Variants in PMPCB observed in about 807,000 individuals in gnomAD.
PMPCB encodes the protein peptidase, mitochondrial processing subunit beta, also known as mitochondrial-processing peptidase subunit beta.
A neutral mutation model predicts 61.5 loss-of-function variants in PMPCB; 46 were observed. That is an observed-to-expected ratio of 0.75 (90% CI 0.59 to 0.96). PMPCB has a LOEUF of 0.96. Ranked by LOEUF, PMPCB falls within the 40% of genes least tolerant of loss-of-function variation. The probability of loss-of-function intolerance (pLI) is 0.00; values close to 1 mark genes in which losing one functional copy is unlikely to be tolerated. For synonymous variants in PMPCB, 191 were observed against 201.6 expected, an observed-to-expected ratio of 0.95 and a Z score of 0.44; for missense variants, 590 against 602.4, an observed-to-expected ratio of 0.98 and a Z score of 0.22.
chr7:103,327,320 T>C, intron 12 of PMPCB: 1 of 1,260,600 alleles, frequency 7.9e-7, no homozygotes, highest in Non-Finnish European at 1.0e-6. Flanking sequence ...CATCATTAAA[T>C]AGAACACTTA....
chr7:103,302,642 G>A (rs572668168), intron 4 of PMPCB, among the ~76,000 whole-genome samples: 1 of 152,240 alleles, frequency 6.6e-6, no homozygotes, highest in East Asian at 1.9e-4. Flanking sequence ...ATAATAGTTT[G>A]TTCTGTCATG....
intron 12 of PMPCB, among the ~76,000 whole-genome samples, chr7:103,320,298 C>T (rs550834164): frequency 6.1e-4 from 92 of 151,904 alleles, no homozygotes; most frequent in African/African-American, 2.1e-3. Context: ...CCATTTTGGC[C>T]AGGCTGGTCT....
chr7:103,310,219 C>T, intron 8 of PMPCB, 96 bp from the exon 9 acceptor site: 1 of 869,490 alleles, frequency 1.2e-6, no homozygotes. Flanking sequence ...GAAACAGCCT[C>T]TAAGGATATT....
At chr7:103,315,267 C>T (rs1193872376), downstream of PMPCB, among the ~76,000 whole-genome samples, 1 of 151,666 alleles carries the variant, frequency 6.6e-6, no homozygotes, top group Non-Finnish European at 1.5e-5. Context: ...TAGAAAGAAT[C>T]CCTGTATACT....
At chr7:103,319,280 T>TA (rs201116605), downstream of PMPCB, among the ~76,000 whole-genome samples, 1,789 of 152,146 alleles carry the variant, frequency 0.012, 35 homozygotes, top group African/African-American at 0.041. Context: ...CTACCAAAAA[T>TA]ACAAAAATTA....
downstream of PMPCB, among the ~76,000 whole-genome samples, chr7:103,332,723 G>C (rs1819024482): frequency 6.6e-6 from 1 of 151,760 alleles, no homozygotes; most frequent in South Asian, 2.1e-4. Flanking sequence ...TTGACCTCCT[G>C]GGCTCAAGCA....
At chr7:103,316,799 A>G, downstream of PMPCB, 1 of 1,579,256 alleles carries the variant, frequency 6.3e-7, no homozygotes. Context: ...CTCCAGTGTG[A>G]GTTGAAGAAA....
rs1282096186 is a variant in PMPCB at position 103,312,922 on chromosome 7, A to G, written c.*651A>G. On this transcript the variant is annotated 3_prime_UTR_variant, in exon 13 of 13. Transcript: ENST00000249269. The stretch of plus-strand genomic sequence containing the variant: ...CCAAGCTACAATTTAAAATACAACA[A>G]TCTATAAACGCTTAAGTCTGCAACC... The G allele has an allele frequency of 8.2e-6, 13 of 1,593,802 alleles. No individual in the cohort carries two copies. Among genetic ancestry groups the G allele is most frequent in the South Asian group, 2.3e-5 (2 of 87,202 alleles).
intron 12 of PMPCB, chr7:103,322,894 G>A: frequency 1.1e-6 from 1 of 949,590 alleles, no homozygotes; most frequent in South Asian, 1.6e-5. Context: ...TAACATCCTA[G>A]AGGTTAAAAT....
Position 103,313,746 on chromosome 7 carries a change from A to G in PMPCB, c.*1475A>G. On this transcript the variant is annotated 3_prime_UTR_variant, in exon 13 of 13. Transcript: ENST00000249269. ...GTGGTTCTTCAACTAAACCTTGTAT[A>G]TTTCAGAAAACATCTAAGATGTGTG... The G allele has an allele frequency of 1.0e-6, 1 of 985,132 alleles. No individual in the cohort carries two copies. Among genetic ancestry groups the G allele is most frequent in the East Asian group, 1.1e-4 (1 of 8,828 alleles). The allele number at this position is 985,132 out of a possible 1,614,324, so 61.0% of individuals were successfully genotyped here. A position where few individuals can be genotyped will look rare whatever the true frequency, so the allele number is the denominator to read the frequency against.
Position 103,322,990 on chromosome 7 carries a change from C to T in PMPCB, c.*1432-5941C>T, listed in dbSNP as rs146008393. Among the ~76,000 whole-genome samples the T allele has an allele frequency of 5.3e-3, 797 of 151,412 alleles. 20 individuals are homozygous for T. Among genetic ancestry groups the T allele is most frequent in the Admixed American group, 0.047 (715 of 15,212 alleles). On this transcript the variant is annotated intron_variant and NMD_transcript_variant, in intron 12 of 12. Coordinates refer to the PMPCB transcript ENST00000444457. ...TGTCGCCCAGGCTGGAGTGCAATGGCGTGATTTTGGCTCATTGCAACCTCT... is the reference window on the plus strand; with the variant it reads ...TGTCGCCCAGGCTGGAGTGCAATGGTGTGATTTTGGCTCATTGCAACCTCT...
intron 1 of PMPCB, 96 bp downstream of exon 1, chr7:103,297,654 G>T: frequency 6.4e-7 from 1 of 1,565,280 alleles, no homozygotes. Flanking sequence ...ACAGTGGGTC[G>T]GGCAGGGCCT....
chr7:103,325,979 G>A (rs1198249731), intron 12 of PMPCB, among the ~76,000 whole-genome samples: 7 of 152,078 alleles, frequency 4.6e-5, no homozygotes, highest in Non-Finnish European at 1.0e-4. Context: ...GTCAGATACT[G>A]TTATTTCTCT....
At chr7:103,322,495 T>A in intron 12 of PMPCB, 1 of 1,446,834 alleles carries the variant, frequency 6.9e-7, no homozygotes. Flanking sequence ...TCCACCTTCA[T>A]TAAATGTTGT....
chr7:103,325,654 T>C (rs895476652), intron 12 of PMPCB, among the ~76,000 whole-genome samples: 2 of 152,190 alleles, frequency 1.3e-5, no homozygotes. Context: ...GTTCTTCCTG[T>C]TCTCCAGGTA....
intron 12 of PMPCB, chr7:103,326,674 C>T: frequency 1.9e-6 from 3 of 1,605,894 alleles, no homozygotes; most frequent in African/African-American, 1.3e-5. Flanking sequence ...GATCAGATAA[C>T]ATTTCATAAG....
At chr7:103,344,761 G>A in the PMPCB span, 2 of 810,290 alleles carry the variant, frequency 2.5e-6, no homozygotes, top group African/African-American at 1.7e-5. Context: ...GCATGGAGAC[G>A]ACCAGTAAGC....
downstream of PMPCB, chr7:103,317,126 AC>A (rs1586067369): frequency 1.1e-6 from 1 of 946,116 alleles, no homozygotes; most frequent in Non-Finnish European, 1.6e-6. Flanking sequence ...TCTCACTCTG[AC>A]CCCATACTCC....
downstream of PMPCB, chr7:103,315,783 C>T (rs781448899): frequency 2.3e-5 from 37 of 1,613,384 alleles, no homozygotes; most frequent in African/African-American, 2.4e-4. Flanking sequence ...GTTCTGAAGG[C>T]GTTGCGTTGT....
Sources: gnomAD v4.1 joint callset for allele counts (sites outside exome capture counted in the v4.1 genomes callset) on GRCh38, gnomAD v4.1.1 for gene constraint, MANE v1.5 for transcripts, NCBI Gene and HGNC (gene_info 2026-07-23, HGNC 2026-07-21) for gene names.